The following AGAP2 variants were observed in gnomAD, a reference collection of about 807,000 sequenced individuals.
AGAP2 encodes the protein arf-GAP with GTPase, ANK repeat and PH domain-containing protein 2.
Under a neutral mutation model 110.9 loss-of-function variants are expected in AGAP2, and 32 were observed. The ratio of observed to expected loss-of-function variants is 0.29; its 90% CI spans 0.22 to 0.39. AGAP2 has a LOEUF of 0.39. AGAP2 is among the 10% of genes least tolerant of loss of function. The probability of loss-of-function intolerance (pLI) is 1.00; values close to 1 mark genes in which losing one functional copy is unlikely to be tolerated. For missense variants in AGAP2, 1,285 were observed against 1,638.5 expected (o/e 0.78, Z 3.72); for synonymous variants, 702 against 713.0 (o/e 0.98, Z 0.25).
At chr12:57,730,417 C>G (rs912680887) in intron 12 of AGAP2, 78 bp downstream of exon 12, 14 of 1,577,856 alleles carry the variant, frequency 8.9e-6, no homozygotes, top group South Asian at 8.0e-5. Context: ...AGCCTCCAAG[C>G]CTTCACCCCA....
chr12:57,737,890 C>G lies in AGAP2; in HGVS notation c.357G>C (p.Pro119=). The change falls in exon 1 of 19, where the codon CCG becomes CCC. Residue 119 remains proline, a synonymous_variant. Transcript: ENST00000547588. This position sits in a 1 kb window ranked among gnomAD's most constrained non-coding sequence, Gnocchi z 5.9. ...GRRLSLWAVP[P]GPPLSGGLSP... ...TCAGTCCCCCGGAGAGCGGGGGTCC[C>G]GGAGGGACGGCCCAGAGGGAGAGGC... 2 of 1,411,922 alleles carry G rather than the reference C, an allele frequency of 1.4e-6. No homozygotes were observed. Among genetic ancestry groups the G allele is most frequent in the South Asian group, 1.5e-5 (1 of 64,698 alleles). The allele number at this position is 1,411,922 out of a possible 1,614,324, so 87.5% of individuals were successfully genotyped here.
downstream of AGAP2, chr12:57,725,182 C>T (rs1466331434): frequency 2.6e-5 from 4 of 152,748 alleles, no homozygotes; most frequent in African/African-American, 9.7e-5. Flanking sequence ...AAGAACAGAC[C>T]AGCAGCTCAC....
Position 57,732,857 on chromosome 12 carries a change from C to G in AGAP2, c.1672G>C (p.Val558Leu). The G allele has an allele frequency of 1.2e-6, 2 of 1,614,010 alleles. No individual in the cohort carries two copies. Among genetic ancestry groups the G allele is most frequent in the Non-Finnish European group, 1.7e-6 (2 of 1,180,028 alleles). ...CATYGLNVDR[V>L]FQEVAQKVVT... ...TCACTACACTCACCCTCCTGGAAGA[C>G]CCGATCCACATTGAGCCCATAGGTT... is the stretch of plus-strand genomic sequence containing the variant. The change falls in exon 6 of 19, where the codon GTC becomes CTC. Residue 558 changes from valine to leucine, a missense_variant. This residue lies in a region of AGAP2 where 844 missense variants were observed against 941.2 expected (regional missense o/e 0.90). Coordinates refer to ENST00000547588, the MANE Select transcript of AGAP2 (RefSeq NM_001122772.3).
chr12:57,737,678 C>G lies in AGAP2; in HGVS notation c.569G>C (p.Cys190Ser), dbSNP rs1484476289. 1 of 1,549,538 alleles carries G rather than the reference C, an allele frequency of 6.5e-7. No individual in the cohort carries two copies. The highest frequency in any genetic ancestry group is 1.4e-5 in the African/African-American group (1 of 73,258). The change falls in exon 1 of 19, where the codon TGC becomes TCC. Residue 190 changes from cysteine (C) to serine (S), a missense_variant. Transcript: ENST00000547588. This position sits in a 1 kb window ranked among gnomAD's most constrained non-coding sequence, Gnocchi z 5.9. Reference sequence around the variant, plus strand: ...GGCTCCACTCGTGGTCACGGTCTTGCAAGGCTTGGGAGCCGGCGGAGGAGG... The same window carrying G: ...GGCTCCACTCGTGGTCACGGTCTTGGAAGGCTTGGGAGCCGGCGGAGGAGG... ...VAPPPPAPKP[C>S]KTVTTSGAKA...
In AGAP2 at chr12:57,737,390, G is replaced by A. The variant is rs762437701; in HGVS notation, c.857C>T (p.Pro286Leu). ...LDNSDLHPGP[P>L]AGSPPPLTLP... ...GGTTAGCGGAGGAGGAGAGCCGGCA[G>A]GCGGTCCCGGATGCAAGTCACTGTT... Residue 286 changes from proline to leucine, a missense_variant, in exon 1 of 19, where the codon CCT (proline) becomes CTT (leucine). This residue lies in a region of AGAP2 where 844 missense variants were observed against 941.2 expected (regional missense o/e 0.90). Transcript: ENST00000547588. This position sits in a 1 kb window ranked among gnomAD's most constrained non-coding sequence, Gnocchi z 5.9. The A allele has an allele frequency of 6.2e-7, 1 of 1,613,884 alleles. No individual in the cohort carries two copies. The highest frequency in any genetic ancestry group is 1.1e-5 in the South Asian group (1 of 91,088).
chr12:57,730,414 A>T (rs144507630), intron 12 of AGAP2, 81 bp downstream of exon 12: 932 of 1,571,406 alleles, frequency 5.9e-4, no homozygotes, highest in Non-Finnish European at 7.3e-4. Flanking sequence ...TCCAGCCTCC[A>T]AGCCTTCACC....
chr12:57,731,700 A>C, intron 8 of AGAP2, 58 bp from the exon 9 acceptor site: 1 of 1,608,768 alleles, frequency 6.2e-7, no homozygotes, highest in Non-Finnish European at 8.5e-7. Flanking sequence ...TGATGTGACG[A>C]TAGGGAAGAT....
chr12:57,728,781 C>T (rs955462319), intron 13 of AGAP2, among the ~76,000 whole-genome samples: 2 of 151,640 alleles, frequency 1.3e-5, no homozygotes, highest in African/African-American at 4.9e-5. Flanking sequence ...GGGCTGGTGG[C>T]GGTGGGGGTG....
At position 57,727,243 on chromosome 12, in the gene AGAP2, G is replaced by A. The variant is rs1682860485; in HGVS notation, c.3081-14C>T. The stretch of plus-strand genomic sequence containing the variant: ...TCGCGCTCCTCCCTGCAAGACCAGG[G>A]ATCAACGGAAAAGGCTCTAGGGACC... On this transcript the variant is annotated splice_polypyrimidine_tract_variant and intron_variant, in intron 17 of 18. Transcript: ENST00000547588. 1 of 1,612,516 alleles carries A rather than the reference G, an allele frequency of 6.2e-7. No homozygotes were observed. Among genetic ancestry groups the A allele is most frequent in the Non-Finnish European group, 8.5e-7 (1 of 1,179,886 alleles).
At chr12:57,741,975 C>G (rs894996068), upstream of AGAP2, 1 of 1,614,094 alleles carries the variant, frequency 6.2e-7, no homozygotes, top group Non-Finnish European at 8.5e-7. Context: ...ACCCTCTCTG[C>G]CAGCTTCCTG....
rs1954909855 is a variant in AGAP2, at chr12:57,732,721, T to A, written c.1684+124A>T. The A allele has an allele frequency of 3.3e-6, 5 of 1,509,270 alleles. No individual in the cohort carries two copies. The East Asian group carries it at 9.1e-5, about 27-fold the overall frequency. The allele number at this position is 1,509,270 out of a possible 1,614,324, so 93.5% of individuals were successfully genotyped here. On this transcript the variant is annotated intron_variant, in intron 6 of 18. Transcript: ENST00000547588. ...AACCTTCTCTGGCCTCCCTGATCTC[T>A]CCTCCCTCCCACAAAGGCTAATTTC...
chr12:57,729,317 C>T, intron 13 of AGAP2, among the ~76,000 whole-genome samples: 1 of 150,888 alleles, frequency 6.6e-6, no homozygotes, highest in Non-Finnish European at 1.5e-5. Context: ...ATCAGCGGGG[C>T]TGCCGGGTGC....
At chr12:57,732,239 CTGGT>C (rs1954899877) in intron 7 of AGAP2, among the ~76,000 whole-genome samples, 160 bp downstream of exon 7, 1 of 152,198 alleles carries the variant, frequency 6.6e-6, no homozygotes. Context: ...TGTCTCAAAT[CTGGT>C]TGATTTCCAG....
At chr12:57,734,541 C>T (rs767630031) in intron 3 of AGAP2, 51 bp downstream of exon 3, 6 of 1,603,044 alleles carry the variant, frequency 3.7e-6, no homozygotes, top group Middle Eastern at 3.3e-4. Context: ...TGATCTCACT[C>T]CTGGATCCCT....
chr12:57,736,620 TC>T (rs1193474495), intron 1 of AGAP2, among the ~76,000 whole-genome samples: 1 of 152,188 alleles, frequency 6.6e-6, no homozygotes, highest in Non-Finnish European at 1.5e-5. Context: ...GGACGACTAG[TC>T]CCTGGCGAGA....
Position 57,736,078 on chromosome 12 carries a change from A to G in AGAP2, c.1169-651T>C, listed in dbSNP as rs552307342. Among the ~76,000 whole-genome samples the G allele has an allele frequency of 2.7e-4, 41 of 152,208 alleles. No individual in the cohort carries two copies. In the East Asian group the frequency reaches 7.7e-3, roughly 29 times the overall value. ...CCGAGAGAAGCCACAGGCCCGGGGGAAAGGATGCTCCTTCCGCCAGCCAGG... is the reference window on the plus strand; with the variant it reads ...CCGAGAGAAGCCACAGGCCCGGGGGGAAGGATGCTCCTTCCGCCAGCCAGG... On this transcript the variant is annotated intron_variant, in intron 1 of 18. Coordinates refer to ENST00000547588, the MANE Select transcript of AGAP2 (RefSeq NM_001122772.3).
Position 57,726,693 on chromosome 12 carries a change from G to T in AGAP2, c.3438C>A (p.His1146Gln). Residue 1146 changes from histidine (H) to glutamine (Q), a missense_variant, in exon 19 of 19, where the codon CAC (histidine) becomes CAA (glutamine). His to Gln is a conservative substitution (Grantham distance 24). Around this residue, in one of 7 missense-constraint regions of AGAP2, gnomAD observed 201 missense variants for 276.1 expected, o/e 0.73. Transcript: ENST00000547588. The surrounding 1 kb of genome is among the most constrained non-coding windows in gnomAD (Gnocchi z 5.7). ...SQLCADILLQ[H>Q]GCPGEGGSAA... ...CGCTGCCGCCCTCACCCGGGCAGCC[G>T]TGCTGGAGAAGGATGTCGGCGCACA... 1 of 1,238,758 alleles carries T rather than the reference G, an allele frequency of 8.1e-7. No individual in the cohort carries two copies. Among genetic ancestry groups the T allele is most frequent in the Non-Finnish European group, 1.0e-6 (1 of 990,252 alleles). 76.7% of individuals were successfully genotyped at this position (1,238,758 alleles called of 1,614,324 possible).
chr12:57,736,551 G>A (rs2140366068), intron 1 of AGAP2, among the ~76,000 whole-genome samples: 1 of 152,282 alleles, frequency 6.6e-6, no homozygotes, highest in South Asian at 2.1e-4. Context: ...GCGGACTCGC[G>A]TACCGCCCAA....
At chr12:57,727,314 G>A (rs765449027) in intron 17 of AGAP2, 46 bp downstream of exon 17, 3 of 1,605,854 alleles carry the variant, frequency 1.9e-6, no homozygotes, top group Non-Finnish European at 2.5e-6. Flanking sequence ...TCTCAGGTTC[G>A]CACACCCTCA....
Sources: allele counts gnomAD v4.1 joint callset (sites outside exome capture counted in the v4.1 genomes callset), GRCh38; gene constraint gnomAD v4.1.1; regional missense constraint gnomAD v4.1.1; non-coding constraint Gnocchi (gnomAD v3.1); transcripts MANE v1.5; gene names NCBI Gene and HGNC (gene_info 2026-07-23, HGNC 2026-07-21).